The following FAM171B variants were observed in gnomAD, a reference collection of about 807,000 sequenced individuals.
FAM171B encodes protein FAM171B.
Under a neutral mutation model 75.6 loss-of-function variants are expected in FAM171B, and 19 were observed. The ratio of observed to expected loss-of-function variants is 0.25; its 90% confidence interval spans 0.18 to 0.37. The LOEUF (loss-of-function observed/expected upper bound fraction) is 0.37, where lower values mean the gene tolerates loss of function less well. Ranked by LOEUF, FAM171B falls within the 10% of genes least tolerant of loss-of-function variation. The probability of loss-of-function intolerance (pLI) is 1.00; values close to 1 mark genes in which losing one functional copy is unlikely to be tolerated. For synonymous variants in FAM171B, 367 were observed against 361.7 expected, an observed-to-expected ratio of 1.01 and a Z score of -0.17; for missense variants, 848 against 982.4, an observed-to-expected ratio of 0.86 and a Z score of 1.83.
chr2:186,747,227 C>A lies in FAM171B; in HGVS notation c.701C>A (p.Thr234Asn), dbSNP rs371845152. Residue 234 changes from threonine (T) to asparagine (N), a missense_variant, in exon 4 of 8, where the codon ACT (threonine) becomes AAT (asparagine). This residue lies in a region of FAM171B where 665 missense variants were observed against 729.0 expected (regional missense o/e 0.91). Coordinates refer to ENST00000304698, the MANE Select transcript of FAM171B (RefSeq NM_177454.4). Reference sequence around the variant, plus strand: ...AAAGTGGACAATTTTCTGCATACAACTGGAATTACTCTCAATAAACCAGGT... The same window carrying A: ...AAAGTGGACAATTTTCTGCATACAAATGGAATTACTCTCAATAAACCAGGT... ...FLKVDNFLHT[T>N]GITLNKPGFE... The A allele has an allele frequency of 6.2e-7, 1 of 1,602,456 alleles. No homozygotes were observed. The highest frequency in any genetic ancestry group is 1.3e-5 in the African/African-American group (1 of 74,444).
Position 186,754,025 on chromosome 2 carries a change from G to A in FAM171B, c.988G>A (p.Ala330Thr). ...TGCACCACATTTGGGGTACTGGATAGCAGCTCCACTTCCAGGAACTAGAGG... is the reference window on the plus strand; with the variant it reads ...TGCACCACATTTGGGGTACTGGATAACAGCTCCACTTCCAGGAACTAGAGG... ...YDAPHLGYWIAAPLPGTRGSG... is the reference protein window; with the variant it reads ...YDAPHLGYWITAPLPGTRGSG... Residue 330 changes from alanine (A) to threonine (T), a missense_variant, in exon 6 of 8, where the codon GCA (alanine) becomes ACA (threonine). This residue lies in a region of FAM171B where 665 missense variants were observed against 729.0 expected (regional missense o/e 0.91). Transcript: ENST00000304698. The A allele has an allele frequency of 6.2e-7, 1 of 1,602,716 alleles. No individual in the cohort carries two copies. Among genetic ancestry groups the A allele is most frequent in the Non-Finnish European group, 8.5e-7 (1 of 1,176,342 alleles).
intron 1 of FAM171B, among the ~76,000 whole-genome samples, chr2:186,725,475 G>T (rs777282048): frequency 2.6e-5 from 4 of 152,106 alleles, no homozygotes; most frequent in African/African-American, 7.2e-5. Context: ...GTCATACCAT[G>T]CCTCAGCGCA....
intron 1 of FAM171B, among the ~76,000 whole-genome samples, chr2:186,720,429 T>C (rs17334471): frequency 0.06 from 9,167 of 152,254 alleles, 370 homozygotes; most frequent in Non-Finnish European, 0.084. Flanking sequence ...GTGAGTCACA[T>C]AGTATCCCCT....
rs2105788402 is a variant in FAM171B at position 186,747,248 on chromosome 2, C to T, written c.722C>T (p.Pro241Leu). Residue 241 changes from proline to leucine, a missense_variant and splice_region_variant, in exon 4 of 8, where the codon CCA (proline) becomes CTA (leucine). Transcript: ENST00000304698. ...ACAACTGGAATTACTCTCAATAAAC[C>T]AGGTATTATCTACTTTTTGTATAAT... ...LHTTGITLNKPGFENIELTPL... is the reference protein window; with the variant it reads ...LHTTGITLNKLGFENIELTPL... The T allele has an allele frequency of 6.4e-7, 1 of 1,571,900 alleles. No individual in the cohort carries two copies.
rs1281883239 is a variant in FAM171B, at chr2:186,765,022, T to G, written c.*2199T>G. ...CAAGGGCTTTTCTAGAACTACTTGT[T>G]TGCTTTCAGAATAAAACCTTATTAT... On this transcript the variant is annotated 3_prime_UTR_variant, in exon 8 of 8. Coordinates refer to ENST00000304698, the MANE Select transcript of FAM171B (RefSeq NM_177454.4). 2 of 151,974 alleles carry G rather than the reference T, an allele frequency of 1.3e-5. No homozygotes were observed. The highest frequency in any genetic ancestry group is 2.9e-5 in the Non-Finnish European group (2 of 67,888). The allele number at this position is 151,974 out of a possible 1,614,324, so 9.4% of individuals were successfully genotyped here. A position where few individuals can be genotyped will look rare whatever the true frequency, so the allele number is the denominator to read the frequency against.
chr2:186,704,729 G>A (rs1689710757), intron 1 of FAM171B, among the ~76,000 whole-genome samples: 1 of 152,168 alleles, frequency 6.6e-6, no homozygotes, highest in Admixed American at 6.5e-5. Flanking sequence ...AAAAGAATGT[G>A]TATTTTAAAA....
At chr2:186,748,300 C>A (rs1165108461) in intron 4 of FAM171B, among the ~76,000 whole-genome samples, 1 of 149,490 alleles carries the variant, frequency 6.7e-6, no homozygotes, top group Non-Finnish European at 1.5e-5. Context: ...GTCTATAATT[C>A]TGATAGTTTC....
chr2:186,753,121 C>G (rs1340327514), intron 5 of FAM171B, among the ~76,000 whole-genome samples: 1 of 152,070 alleles, frequency 6.6e-6, no homozygotes, highest in Non-Finnish European at 1.5e-5. Context: ...CATGATTTTT[C>G]TAAGTATGTC....
At chr2:186,712,691 C>A (rs1469095418) in intron 1 of FAM171B, among the ~76,000 whole-genome samples, 2 of 152,036 alleles carry the variant, frequency 1.3e-5, no homozygotes, top group Admixed American at 1.3e-4. Flanking sequence ...CCATTTCTGC[C>A]TTTATTTTTG....
intron 5 of FAM171B, among the ~76,000 whole-genome samples, chr2:186,753,575 T>C (rs1690487564): frequency 6.6e-6 from 1 of 152,144 alleles, no homozygotes; most frequent in African/African-American, 2.4e-5. Context: ...GGTGTCATAA[T>C]TGATAATTTT....
Position 186,758,097 on chromosome 2 carries a change from C to G in FAM171B, c.1013-3016C>G, listed in dbSNP as rs555386137. On this transcript the variant is annotated intron_variant, in intron 6 of 7. Transcript: ENST00000304698. ...CCATTTTAATATAACCTTAAAGCTT[C>G]ATTCAACAATAGTGTGGTATAGCGA... Among the ~76,000 whole-genome samples the G allele has an allele frequency of 7.6e-4, 115 of 151,918 alleles. 1 individual carries two copies. In the Middle Eastern group the frequency reaches 0.01, roughly 13 times the overall value.
chr2:186,757,373 C>A (rs1170777754), intron 6 of FAM171B, among the ~76,000 whole-genome samples: 1 of 152,062 alleles, frequency 6.6e-6, no homozygotes, highest in African/African-American at 2.4e-5. Flanking sequence ...GTTTTAGAAG[C>A]TCTGTGCCAG....
chr2:186,755,329 T>C (rs1200033042), intron 6 of FAM171B, among the ~76,000 whole-genome samples: 1 of 152,206 alleles, frequency 6.6e-6, no homozygotes, highest in African/African-American at 2.4e-5. Context: ...TTTATTCTTG[T>C]AGGTTTGTGT....
intron 6 of FAM171B, among the ~76,000 whole-genome samples, chr2:186,757,088 C>T (rs555277281): frequency 5.3e-5 from 8 of 152,194 alleles, no homozygotes; most frequent in African/African-American, 1.4e-4. Flanking sequence ...GAGGCTTCCT[C>T]GTGCAGGCAT....
At chr2:186,730,682 A>T (rs1033441775) in intron 1 of FAM171B, among the ~76,000 whole-genome samples, 3 of 152,218 alleles carry the variant, frequency 2.0e-5, no homozygotes, top group African/African-American at 7.2e-5. Context: ...ACATTATTGC[A>T]TGTGAAAAAA....
At chr2:186,709,423 A>C (rs1203266978) in intron 1 of FAM171B, among the ~76,000 whole-genome samples, 1 of 152,224 alleles carries the variant, frequency 6.6e-6, no homozygotes, top group Non-Finnish European at 1.5e-5. Flanking sequence ...CTGGTAATGC[A>C]TCTTCCTTTC....
At chr2:186,740,502 A>G (rs1233995681) in intron 2 of FAM171B, 41 bp downstream of exon 2, 2 of 1,483,866 alleles carry the variant, frequency 1.3e-6, no homozygotes, top group Non-Finnish European at 1.8e-6. Flanking sequence ...TTTTTGCTAA[A>G]TGTAAATGAA....
At chr2:186,756,632 A>G (rs904466452) in intron 6 of FAM171B, among the ~76,000 whole-genome samples, 2 of 152,130 alleles carry the variant, frequency 1.3e-5, no homozygotes, top group South Asian at 4.1e-4. Context: ...CCAGTTCTCC[A>G]ATTTTCAGTG....
At chr2:186,716,913 A>T (rs1327082772) in intron 1 of FAM171B, among the ~76,000 whole-genome samples, 1 of 152,188 alleles carries the variant, frequency 6.6e-6, no homozygotes, top group Non-Finnish European at 1.5e-5. Context: ...TTCTAAGCAC[A>T]TTGAGTATAT....
Sources: gnomAD v4.1 joint callset for allele counts (sites outside exome capture counted in the v4.1 genomes callset) on GRCh38, gnomAD v4.1.1 for gene constraint, gnomAD v4.1.1 regional missense constraint, MANE v1.5 for transcripts, NCBI Gene and HGNC (gene_info 2026-07-23, HGNC 2026-07-21) for gene names.